CCDC77: variants seen among roughly 807,000 people sequenced by gnomAD.
CCDC77 encodes the protein coiled-coil domain-containing protein 77.
A neutral mutation model predicts 66.8 loss-of-function variants in CCDC77; 56 were observed. The observed-to-expected ratio is 0.84, with a 90% confidence interval of 0.68 to 1.05. CCDC77 has a LOEUF of 1.05. CCDC77 is among the 50% of genes least tolerant of loss of function. CCDC77 has a pLI of 0.00. For missense variants in CCDC77, 570 were observed against 576.8 expected, an observed-to-expected ratio of 0.99 and a Z score of 0.12; for synonymous variants, 196 against 195.2, an observed-to-expected ratio of 1.00 and a Z score of -0.03.
At chr12:415,793 C>T (rs970855913) in intron 4 of CCDC77, among the ~76,000 whole-genome samples, 17 of 135,018 alleles carry the variant, frequency 1.3e-4, no homozygotes, top group Non-Finnish European at 2.5e-4. Flanking sequence ...TCACCATGCC[C>T]AGCTAATTTT....
intron 5 of CCDC77, among the ~76,000 whole-genome samples, chr12:425,639 A>T (rs908816441): frequency 2.0e-5 from 3 of 151,668 alleles, no homozygotes; most frequent in African/African-American, 7.3e-5. Context: ...AAATAATTTG[A>T]TCTTTACATC....
At chr12:406,609 T>C (rs551446127) in intron 2 of CCDC77, among the ~76,000 whole-genome samples, 1 of 152,276 alleles carries the variant, frequency 6.6e-6, no homozygotes, top group Non-Finnish European at 1.5e-5. Context: ...TTGACACATA[T>C]ATATTAATGT....
chr12:405,643 A>C (rs966334103), intron 2 of CCDC77, 79 bp downstream of exon 2: 1 of 152,220 alleles, frequency 6.6e-6, no homozygotes, highest in Non-Finnish European at 1.5e-5. Context: ...TTGGCTGTAG[A>C]AGAAAACAAA....
At chr12:409,235 A>C (rs939497513) in intron 2 of CCDC77, 133 bp from the exon 3 acceptor site, 7 of 677,210 alleles carry the variant, frequency 1.0e-5, no homozygotes, top group African/African-American at 5.6e-5. Flanking sequence ...GAAAAAAAAA[A>C]CTACATTTTA....
chr12:424,311 A>G (rs1473238500), intron 5 of CCDC77, among the ~76,000 whole-genome samples: 1 of 151,528 alleles, frequency 6.6e-6, no homozygotes, highest in East Asian at 1.9e-4. Context: ...CCTTTGTTAG[A>G]TATACAGATG....
At chr12:436,534 C>T (rs1204478277) in intron 9 of CCDC77, among the ~76,000 whole-genome samples, 1 of 152,120 alleles carries the variant, frequency 6.6e-6, no homozygotes, top group Non-Finnish European at 1.5e-5. Context: ...TGCTATGTTT[C>T]TTTTAACATA....
At chr12:427,629 C>G in intron 5 of CCDC77, among the ~76,000 whole-genome samples, 1 of 151,826 alleles carries the variant, frequency 6.6e-6, no homozygotes, top group East Asian at 1.9e-4. Flanking sequence ...TGCACGCCAC[C>G]ACGCCCAGAT....
chr12:440,204 A>C (rs1300192041), intron 10 of CCDC77, among the ~76,000 whole-genome samples: 11 of 152,234 alleles, frequency 7.2e-5, no homozygotes, highest in Non-Finnish European at 4.4e-5. Context: ...GAAATAAGTA[A>C]CATGATCTGA....
chr12:438,037 G>A (rs1347449358), intron 9 of CCDC77, among the ~76,000 whole-genome samples: 1 of 151,916 alleles, frequency 6.6e-6, no homozygotes, highest in Non-Finnish European at 1.5e-5. Context: ...CATAGTTAAC[G>A]CAGGCTATGT....
intron 3 of CCDC77, 138 bp downstream of exon 3, chr12:409,559 C>G: frequency 2.6e-6 from 2 of 760,780 alleles, no homozygotes; most frequent in Non-Finnish European, 4.4e-6. Context: ...ACTCTGTGCC[C>G]AGGATGGGGT....
chr12:439,365 T>C (rs2137623351), intron 10 of CCDC77, among the ~76,000 whole-genome samples: 1 of 150,570 alleles, frequency 6.6e-6, no homozygotes, highest in African/African-American at 2.4e-5. Flanking sequence ...ACTGAAAATA[T>C]AAAAATTGGT....
chr12:407,935 C>T (rs1189745177), intron 2 of CCDC77, among the ~76,000 whole-genome samples: 2 of 152,018 alleles, frequency 1.3e-5, no homozygotes, highest in Middle Eastern at 3.4e-3. Flanking sequence ...CTACGGGTGC[C>T]TGCCACGACA....
intron 5 of CCDC77, among the ~76,000 whole-genome samples, chr12:425,084 A>C (rs1428683101): frequency 6.6e-6 from 1 of 151,602 alleles, no homozygotes; most frequent in Non-Finnish European, 1.5e-5. Flanking sequence ...GCACGAGCCA[A>C]CACACCTGAC....
chr12:406,945 TCA>T (rs1945004147), intron 2 of CCDC77, among the ~76,000 whole-genome samples: 1 of 152,166 alleles, frequency 6.6e-6, no homozygotes, highest in Non-Finnish European at 1.5e-5. Flanking sequence ...AGACTTTGTC[TCA>T]CACACACAAA....
rs202019830 is a variant in CCDC77, at chr12:412,323, C to T, written c.270+345C>T. ...TGATATCAAGTCCTTCAAACCTAAA[C>T]CCCATGATGCTTTACTTGAGTAGTA... On this transcript the variant is annotated intron_variant, in intron 4 of 12. Coordinates refer to ENST00000239830, the MANE Select transcript of CCDC77 (RefSeq NM_032358.4). Among the ~76,000 whole-genome samples, 8 of 152,340 alleles carry T rather than the reference C, an allele frequency of 5.3e-5. No homozygotes were observed. The East Asian group carries it at 1.2e-3, about 22-fold the overall frequency.
At chr12:437,749 G>A (rs1407018173) in intron 9 of CCDC77, among the ~76,000 whole-genome samples, 2 of 149,834 alleles carry the variant, frequency 1.3e-5, no homozygotes, top group Non-Finnish European at 2.9e-5. Context: ...AGGAGGCTGA[G>A]ACAGAAGGAT....
At chr12:436,910 T>C (rs906629059) in intron 9 of CCDC77, 1 of 224,590 alleles carries the variant, frequency 4.5e-6, no homozygotes, top group African/African-American at 2.3e-5. Flanking sequence ...TAAGACAGAA[T>C]AAAATAACTC....
At chr12:427,912 A>C (rs1008034946) in intron 5 of CCDC77, among the ~76,000 whole-genome samples, 6 of 152,208 alleles carry the variant, frequency 3.9e-5, no homozygotes, top group African/African-American at 7.2e-5. Flanking sequence ...TTAAACTGGG[A>C]TTCAGTTGCA....
intron 9 of CCDC77, among the ~76,000 whole-genome samples, chr12:436,312 A>G (rs1434377151): frequency 1.3e-5 from 2 of 151,402 alleles, no homozygotes; most frequent in African/African-American, 4.9e-5. Context: ...TATTTTTAGT[A>G]GAGACAAGGT....
Sources: allele counts gnomAD v4.1 joint callset (sites outside exome capture counted in the v4.1 genomes callset), GRCh38; gene constraint gnomAD v4.1.1; transcripts MANE v1.5; gene names NCBI Gene and HGNC (gene_info 2026-07-23, HGNC 2026-07-21).